Variants in TENM1 observed in about 807,000 individuals in gnomAD.
TENM1 encodes the protein teneurin-1.
A neutral mutation model predicts 174.8 loss-of-function variants in TENM1; 35 were observed. The ratio of observed to expected loss-of-function variants is 0.20; its 90% CI spans 0.15 to 0.27. The LOEUF is 0.27. TENM1 is among the 10% of genes least tolerant of loss of function. TENM1 has a pLI of 1.00. For synonymous variants in TENM1, 781 were observed against 798.7 expected, an observed-to-expected ratio of 0.98 and a Z score of 0.37; for missense variants, 1,633 against 2,130.1, an observed-to-expected ratio of 0.77 and a Z score of 4.59.
chrX:125,044,758 C>A, the TENM1 span, among the ~76,000 whole-genome samples: 3 of 111,393 alleles, frequency 2.7e-5, no homozygotes, highest in Non-Finnish European at 5.7e-5. Flanking sequence ...CTATGAATGA[C>A]AAATGAACCA....
At chrX:124,815,751 C>T (rs190957136) in intron 3 of TENM1, among the ~76,000 whole-genome samples, 282 of 110,903 alleles carry the variant, frequency 2.5e-3, no homozygotes, top group Non-Finnish European at 3.8e-3. Context: ...TGATTTAAAA[C>T]ATTGCGAATG....
chrX:124,452,850 T>A (rs1420952014), intron 23 of TENM1, among the ~76,000 whole-genome samples: 1 of 69,903 alleles, frequency 1.4e-5, no homozygotes, highest in Non-Finnish European at 2.5e-5. Flanking sequence ...GGGACATCAC[T>A]CACCCTGTTG....
chrX:124,770,102 C>T (rs764318815), intron 3 of TENM1, among the ~76,000 whole-genome samples: 54 of 112,013 alleles, frequency 4.8e-4, no homozygotes, highest in Non-Finnish European at 8.3e-4. Flanking sequence ...CTTATATATT[C>T]CTGGAAGAAA....
At chrX:125,142,664 A>G in the TENM1 span, among the ~76,000 whole-genome samples, 2 of 111,513 alleles carry the variant, frequency 1.8e-5, no homozygotes, top group Non-Finnish European at 3.8e-5. Context: ...CTGCAATTCT[A>G]CTGAAGTCTG....
chrX:125,111,778 A>C, the TENM1 span, among the ~76,000 whole-genome samples: 1 of 111,962 alleles, frequency 8.9e-6, no homozygotes, highest in Admixed American at 9.5e-5. Context: ...AATGCATAAA[A>C]CTGATAGTAT....
At chrX:124,851,612 G>T (rs2056720884) in intron 3 of TENM1, among the ~76,000 whole-genome samples, 1 of 110,264 alleles carries the variant, frequency 9.1e-6, no homozygotes, top group Admixed American at 9.7e-5. Context: ...TGAAATACTG[G>T]GTCCTTGCTT....
chrX:124,791,861 C>T (rs1006614738), intron 3 of TENM1, among the ~76,000 whole-genome samples: 1 of 109,677 alleles, frequency 9.1e-6, no homozygotes, highest in Non-Finnish European at 1.9e-5. Context: ...TGCATAATTG[C>T]GTGTGTGTGT....
chrX:124,471,447 A>G (rs1339491112), intron 22 of TENM1, among the ~76,000 whole-genome samples: 1 of 44,552 alleles, frequency 2.2e-5, no homozygotes, highest in Non-Finnish European at 3.7e-5. Context: ...AATATATAGT[A>G]CTATATATAA....
At chrX:124,566,727 G>C (rs1440952732) in intron 11 of TENM1, among the ~76,000 whole-genome samples, 2 of 111,886 alleles carry the variant, frequency 1.8e-5, no homozygotes, top group East Asian at 5.6e-4. Context: ...ATAAAGCCAT[G>C]ATTATGAGTT....
At chrX:124,666,803 T>G (rs2148425669) in intron 6 of TENM1, among the ~76,000 whole-genome samples, 1 of 111,701 alleles carries the variant, frequency 9.0e-6, no homozygotes, top group South Asian at 3.8e-4. Context: ...AGCTAACTGA[T>G]ACTTCCCCTG....
chrX:124,798,461 A>G (rs752753894), intron 3 of TENM1, among the ~76,000 whole-genome samples: 4 of 111,353 alleles, frequency 3.6e-5, no homozygotes, highest in Admixed American at 1.9e-4. Context: ...GCTTTTTTTC[A>G]TATGTTTGTT....
chrX:124,425,887 C>A (rs999819589), intron 23 of TENM1, among the ~76,000 whole-genome samples: 1 of 111,109 alleles, frequency 9.0e-6, no homozygotes, highest in African/African-American at 3.3e-5. Flanking sequence ...GGGGCTCCTG[C>A]ACGGGCCCAA....
chrX:124,909,132 T>C (rs1183603861), intron 1 of TENM1, among the ~76,000 whole-genome samples: 4 of 112,571 alleles, frequency 3.6e-5, no homozygotes, highest in Non-Finnish European at 7.5e-5. Context: ...GTGCTGGGAT[T>C]ACAGGCTTGA....
chrX:125,067,857 G>T, the TENM1 span, among the ~76,000 whole-genome samples: 1 of 111,672 alleles, frequency 9.0e-6, no homozygotes, highest in Non-Finnish European at 1.9e-5. Context: ...TTTTTTGAGA[G>T]AATAAAAGTT....
intron 4 of TENM1, among the ~76,000 whole-genome samples, chrX:124,715,724 G>A (rs2053167437): frequency 4.7e-5 from 5 of 106,278 alleles, no homozygotes; most frequent in Middle Eastern, 4.8e-3. Context: ...GCGTGATCTC[G>A]GCTCACTGCA....
At chrX:125,203,883 G>T in the TENM1 span, 1 of 113,164 alleles carries the variant, frequency 8.8e-6, no homozygotes. Flanking sequence ...TCCGCCGGGC[G>T]CTGCCAGTGC....
chrX:124,951,666 AT>A (rs1569487510), intron 1 of TENM1, among the ~76,000 whole-genome samples: 1,123 of 63,168 alleles, frequency 0.018, 26 homozygotes, highest in African/African-American at 0.051. Flanking sequence ...ATATATATAT[AT>A]ATATATAACA....
intron 3 of TENM1, among the ~76,000 whole-genome samples, chrX:124,836,638 G>A (rs946248499): frequency 8.9e-6 from 1 of 112,187 alleles, no homozygotes; most frequent in Non-Finnish European, 1.9e-5. Flanking sequence ...TCCCGATAGC[G>A]GGATTTAACA....
At chrX:125,181,934 G>A in the TENM1 span, among the ~76,000 whole-genome samples, 41 of 111,904 alleles carry the variant, frequency 3.7e-4, no homozygotes, top group East Asian at 1.7e-3. Context: ...TACATTTTCC[G>A]TACTGAGTAA....
Sources: gnomAD v4.1 joint callset for allele counts (sites outside exome capture counted in the v4.1 genomes callset) on GRCh38, gnomAD v4.1.1 for gene constraint, MANE v1.5 for transcripts, NCBI Gene and HGNC (gene_info 2026-07-23, HGNC 2026-07-21) for gene names.